SLC6A13: variants seen among roughly 807,000 people sequenced by gnomAD.
SLC6A13 encodes the protein sodium- and chloride-dependent GABA transporter 2.
A neutral mutation model predicts 72.9 loss-of-function variants in SLC6A13; 69 were observed. The observed-to-expected ratio is 0.95, with a 90% CI of 0.78 to 1.16. SLC6A13 has a LOEUF of 1.16. Among genes scored for constraint, SLC6A13 ranks in the 50% most tolerant of loss-of-function variants. The pLI is 0.00. For synonymous variants in SLC6A13, 303 were observed against 303.0 expected (o/e 1.00, Z 0.00); for missense variants, 735 against 760.5 (o/e 0.97, Z 0.39).
At chr12:257,758 C>T (rs1018191658) in intron 2 of SLC6A13, among the ~76,000 whole-genome samples, 1 of 152,162 alleles carries the variant, frequency 6.6e-6, no homozygotes, top group Non-Finnish European at 1.5e-5. Flanking sequence ...GAGAGTCCCT[C>T]ATCCCCCACG....
rs760416637 is a variant in SLC6A13, at chr12:226,303, G to C, written c.1060+87C>G. On this transcript the variant is annotated intron_variant, in intron 9 of 14. Transcript: ENST00000343164. ...GTGGCCGTAGCTCACCCAGAGTGCA[G>C]GTGACACAATGGAAACGCCTCTAGA... is the stretch of plus-strand genomic sequence containing the variant. 6.2e-4 allele frequency: 954 copies of C among 1,533,012 alleles called. 2 individuals are homozygous for C. The highest frequency in any genetic ancestry group is 7.1e-4 in the Non-Finnish European group (789 of 1,110,944). 95.0% of individuals were successfully genotyped at this position (1,533,012 alleles called of 1,614,324 possible).
intron 1 of SLC6A13, among the ~76,000 whole-genome samples, chr12:262,378 G>GATAT (rs1942954086): frequency 6.6e-6 from 1 of 152,206 alleles, no homozygotes; most frequent in South Asian, 2.1e-4. Flanking sequence ...TGATAGATAG[G>GATAT]ATATACTTAG....
At position 261,428 on chromosome 12, in the gene SLC6A13, T is replaced by C. The variant is rs550855812; in HGVS notation, c.-6+1361A>G. Among the ~76,000 whole-genome samples, 5 of 152,332 alleles carry C rather than the reference T, an allele frequency of 3.3e-5. No individual in the cohort carries two copies. In the East Asian group the frequency reaches 5.8e-4, roughly 18 times the overall value. On this transcript the variant is annotated intron_variant, in intron 1 of 14. Transcript: ENST00000343164. ...TTTCAGTTCCATCCCTTTGATTACA[T>C]TGGCTGCCTAGGTTCACTGGTGTGT...
At chr12:226,805 A>G (rs1002200853) in intron 8 of SLC6A13, 1 of 284,520 alleles carries the variant, frequency 3.5e-6, no homozygotes, top group Non-Finnish European at 6.8e-6. Flanking sequence ...ACCGCCACAC[A>G]GCCGCCCCTC....
At chr12:224,300 C>A in intron 10 of SLC6A13, 101 bp downstream of exon 10, 1 of 1,336,538 alleles carries the variant, frequency 7.5e-7, no homozygotes, top group East Asian at 2.3e-5. Context: ...CTCCTGTGTC[C>A]CCAAAAGGGC....
At chr12:236,741 G>A (rs1481111271) in intron 6 of SLC6A13, among the ~76,000 whole-genome samples, 3 of 152,064 alleles carry the variant, frequency 2.0e-5, no homozygotes, top group Non-Finnish European at 4.4e-5. Context: ...AAGAGTTCAG[G>A]AGAATTCAGA....
Position 256,145 on chromosome 12 carries a change from C to T in SLC6A13, c.202+3706G>A, listed in dbSNP as rs115479627. Among the ~76,000 whole-genome samples the T allele has an allele frequency of 9.2e-3, 1,398 of 152,240 alleles. 32 individuals carry two copies. The highest frequency in any genetic ancestry group is 0.031 in the African/African-American group (1,303 of 41,534). On this transcript the variant is annotated intron_variant, in intron 2 of 14. Transcript: ENST00000343164. Reference sequence around the variant, plus strand: ...ATTCTGGAATGCTACCTAATTTACTCATTTATCCCATTTATTGTGTAGTGT... The same window carrying T: ...ATTCTGGAATGCTACCTAATTTACTTATTTATCCCATTTATTGTGTAGTGT...
chr12:227,897 T>G (rs1008741192), intron 7 of SLC6A13, among the ~76,000 whole-genome samples: 30 of 152,270 alleles, frequency 2.0e-4, no homozygotes, highest in Non-Finnish European at 3.7e-4. Flanking sequence ...GCATTAGGCA[T>G]TCAAAGAAAA....
intron 12 of SLC6A13, among the ~76,000 whole-genome samples, chr12:222,843 G>A (rs1373561202): frequency 6.6e-6 from 1 of 152,190 alleles, no homozygotes; most frequent in African/African-American, 2.4e-5. Flanking sequence ...GGTACAGGCA[G>A]TCACTTCCTG....
chr12:247,015 A>T lies in SLC6A13; in HGVS notation c.203-3202T>A, dbSNP rs1285067763. On this transcript the variant is annotated intron_variant, in intron 2 of 14. Transcript: ENST00000343164. ...AGAGTGAGACTCCATCTCAAAAAAA[A>T]AAAAAAAGAAAGAAAGAAAAGAAAG... Among the ~76,000 whole-genome samples, 4 of 132,002 alleles carry T rather than the reference A, an allele frequency of 3.0e-5. No individual in the cohort carries two copies. In the Admixed American group the frequency reaches 3.3e-4, roughly 11 times the overall value. 86.6% of individuals were successfully genotyped at this position (132,002 alleles called of 152,430 possible).
At position 254,667 on chromosome 12, in the gene SLC6A13, G is replaced by C. The variant is rs990096330; in HGVS notation, c.202+5184C>G. 6.6e-6 allele frequency among the ~76,000 whole-genome samples: 1 copy of C among 152,092 alleles called. No homozygotes were observed. The highest frequency in any genetic ancestry group is 6.5e-5 in the Admixed American group (1 of 15,268). On this transcript the variant is annotated intron_variant, in intron 2 of 14. Transcript: ENST00000343164. This position sits in a 1 kb window ranked among gnomAD's most constrained non-coding sequence, Gnocchi z 4.4. ...CCCATCTTCTCCCAGACCCACTAAA[G>C]GTCCTTACTTTCTTTTCTTATACCA...
At chr12:236,952 C>A (rs565993489) in intron 6 of SLC6A13, 5 of 531,332 alleles carry the variant, frequency 9.4e-6, no homozygotes, top group African/African-American at 5.6e-5. Flanking sequence ...GTCCTTCCTG[C>A]CTTTCTCGCT....
At chr12:251,683 T>C (rs1942554160) in intron 2 of SLC6A13, among the ~76,000 whole-genome samples, 1 of 152,136 alleles carries the variant, frequency 6.6e-6, no homozygotes, top group Non-Finnish European at 1.5e-5. Context: ...CCAGGTGCAG[T>C]GGCTCACGCC....
intron 6 of SLC6A13, among the ~76,000 whole-genome samples, chr12:236,447 G>T (rs750686572): frequency 6.6e-5 from 10 of 152,208 alleles, no homozygotes; most frequent in Non-Finnish European, 1.3e-4. Context: ...TGAAATATTG[G>T]GAGCGGGTTC....
chr12:238,632 T>C (rs1234623742), intron 4 of SLC6A13, among the ~76,000 whole-genome samples: 1 of 152,234 alleles, frequency 6.6e-6, no homozygotes, highest in East Asian at 1.9e-4. Flanking sequence ...CTGACTTTTT[T>C]AGGTTTGATA....
At chr12:237,526 G>A (rs1299187936) in intron 5 of SLC6A13, among the ~76,000 whole-genome samples, 3 of 152,102 alleles carry the variant, frequency 2.0e-5, no homozygotes, top group Non-Finnish European at 2.9e-5. Context: ...GGAAGGAGGT[G>A]CAGGCACCTA....
chr12:222,964 AG>A, intron 12 of SLC6A13, 167 bp downstream of exon 12: 1 of 597,736 alleles, frequency 1.7e-6, no homozygotes. Context: ...CAGCTTCTGG[AG>A]GGCCTTCCAA....
intron 6 of SLC6A13, 117 bp downstream of exon 6, chr12:237,041 C>T (rs75204539): frequency 0.01 from 11,612 of 1,135,916 alleles, 520 homozygotes; most frequent in East Asian, 0.1. Flanking sequence ...ATCAAATCCT[C>T]GCTGGGTCAT....
At chr12:250,063 G>A (rs1942483457) in intron 2 of SLC6A13, among the ~76,000 whole-genome samples, 1 of 152,012 alleles carries the variant, frequency 6.6e-6, no homozygotes, top group Admixed American at 6.6e-5. Context: ...CATTTCATAG[G>A]TACAGTAAAG....
Sources: gnomAD v4.1 joint callset for allele counts (sites outside exome capture counted in the v4.1 genomes callset) on GRCh38, gnomAD v4.1.1 for gene constraint, Gnocchi (gnomAD v3.1) non-coding constraint, MANE v1.5 for transcripts, NCBI Gene and HGNC (gene_info 2026-07-23, HGNC 2026-07-21) for gene names.